The following TMEFF1 variants were observed in gnomAD, a reference collection of about 807,000 sequenced individuals.
The protein encoded by TMEFF1 is tomoregulin-1.
A neutral mutation model predicts 47.5 loss-of-function variants in TMEFF1; 20 were observed. The ratio of observed to expected loss-of-function variants is 0.42; its 90% CI spans 0.30 to 0.61. The LOEUF (loss-of-function observed/expected upper bound fraction) is 0.61. Ranked by LOEUF, TMEFF1 falls within the 20% of genes least tolerant of loss-of-function variation. The pLI is 0.19. For missense variants in TMEFF1, 411 were observed against 471.1 expected (o/e 0.87, Z 1.18); for synonymous variants, 162 against 166.3 (o/e 0.97, Z 0.20).
chr9:100,561,564 C>T (rs370986556), intron 8 of TMEFF1, 44 bp downstream of exon 8: 162 of 1,582,446 alleles, frequency 1.0e-4, no homozygotes, highest in East Asian at 1.6e-4. Flanking sequence ...TTTTTTTCAT[C>T]AATGGTTGTT....
chr9:100,483,489 C>T (rs892972587), intron 1 of TMEFF1, among the ~76,000 whole-genome samples: 1 of 133,372 alleles, frequency 7.5e-6, no homozygotes. Flanking sequence ...AAGAGAGAAA[C>T]AACATCTCAA....
intron 1 of TMEFF1, among the ~76,000 whole-genome samples, chr9:100,475,204 G>A (rs1587807866): frequency 6.6e-6 from 1 of 152,174 alleles, no homozygotes; most frequent in African/African-American, 2.4e-5. Flanking sequence ...TCTCAGCGCA[G>A]ATGCTTATGC....
At chr9:100,572,087 A>G (rs1320833285) in intron 8 of TMEFF1, among the ~76,000 whole-genome samples, 1 of 152,036 alleles carries the variant, frequency 6.6e-6, no homozygotes, top group African/African-American at 2.4e-5. Context: ...ATATCTGTCC[A>G]TGGCCCGGGA....
chr9:100,517,077 A>C (rs1200940516), intron 5 of TMEFF1, among the ~76,000 whole-genome samples: 1 of 152,144 alleles, frequency 6.6e-6, no homozygotes, highest in Admixed American at 6.5e-5. Flanking sequence ...ACTCATGTTC[A>C]GCCTTCATTA....
intron 1 of TMEFF1, among the ~76,000 whole-genome samples, chr9:100,486,009 A>G (rs1837440455): frequency 2.0e-5 from 3 of 148,134 alleles, no homozygotes; most frequent in Non-Finnish European, 4.5e-5. Flanking sequence ...AGGTTATTAT[A>G]TTTTCAACCA....
At chr9:100,554,978 A>G (rs1437823035) in intron 7 of TMEFF1, among the ~76,000 whole-genome samples, 1 of 152,126 alleles carries the variant, frequency 6.6e-6, no homozygotes, top group East Asian at 1.9e-4. Context: ...ACAGATAGCC[A>G]GTGGAACAAG....
intron 5 of TMEFF1, among the ~76,000 whole-genome samples, chr9:100,519,911 C>A (rs1005875314): frequency 2.0e-5 from 3 of 152,054 alleles, no homozygotes; most frequent in African/African-American, 7.2e-5. Flanking sequence ...TGTTTATATA[C>A]ACATGGTACT....
At chr9:100,485,995 T>C (rs754299575) in intron 1 of TMEFF1, among the ~76,000 whole-genome samples, 7 of 152,146 alleles carry the variant, frequency 4.6e-5, no homozygotes, top group Non-Finnish European at 7.4e-5. Flanking sequence ...TTAAAAACTT[T>C]GGCAGGTTAT....
chr9:100,564,071 T>G (rs1839073641), intron 8 of TMEFF1, among the ~76,000 whole-genome samples: 1 of 152,062 alleles, frequency 6.6e-6, no homozygotes, highest in African/African-American at 2.4e-5. Context: ...GTACCACTGA[T>G]TTTTCGTTTT....
intron 8 of TMEFF1, among the ~76,000 whole-genome samples, chr9:100,567,278 A>G (rs138914192): frequency 1.6e-4 from 25 of 152,188 alleles, no homozygotes; most frequent in African/African-American, 5.8e-4. Flanking sequence ...AATTGTTTGC[A>G]TGGCAGGCTC....
chr9:100,478,557 G>A (rs994750850), intron 1 of TMEFF1, among the ~76,000 whole-genome samples: 1 of 152,080 alleles, frequency 6.6e-6, no homozygotes, highest in African/African-American at 2.4e-5. Context: ...TTGTCCTCTT[G>A]CCCCAGTTCT....
At chr9:100,543,734 C>T (rs1838678982) in intron 5 of TMEFF1, among the ~76,000 whole-genome samples, 1 of 151,880 alleles carries the variant, frequency 6.6e-6, no homozygotes, top group East Asian at 1.9e-4. Flanking sequence ...CACACACACA[C>T]ACACACACAC....
chr9:100,548,031 AT>A (rs1271878727), intron 6 of TMEFF1, 139 bp downstream of exon 6: 2 of 1,024,662 alleles, frequency 2.0e-6, no homozygotes, highest in African/African-American at 1.7e-5. Context: ...TATATTTCAG[AT>A]TTTTTATTAC....
chr9:100,498,898 A>T (rs775046802), intron 2 of TMEFF1, 24 bp downstream of exon 2: 1 of 1,603,836 alleles, frequency 6.2e-7, no homozygotes, highest in East Asian at 2.2e-5. Flanking sequence ...GCCTATTTTG[A>T]AAAGTTTTAT....
chr9:100,551,802 C>A (rs1487733763), intron 7 of TMEFF1, among the ~76,000 whole-genome samples: 1 of 152,092 alleles, frequency 6.6e-6, no homozygotes, highest in Non-Finnish European at 1.5e-5. Flanking sequence ...ATGCAGATAA[C>A]CAACTTCTAA....
At chr9:100,574,061 A>AT (rs1419848437) in intron 9 of TMEFF1, among the ~76,000 whole-genome samples, 1 of 152,254 alleles carries the variant, frequency 6.6e-6, no homozygotes, top group African/African-American at 2.4e-5. Context: ...ATTCAGTTTG[A>AT]TTCCCATTCA....
rs576740754 is a variant in TMEFF1 at position 100,516,642 on chromosome 9, T to C, written c.464-33T>C. 1.5e-5 allele frequency: 24 copies of C among 1,603,424 alleles called. 1 individual carries two copies. The African/African-American group carries it at 1.9e-4, about 13-fold the overall frequency. ...GCATATCTGGAAAGGATCCCAACTTTTGGTTGTAAATTTGATTTTTCTTTT... is the reference window on the plus strand; with the variant it reads ...GCATATCTGGAAAGGATCCCAACTTCTGGTTGTAAATTTGATTTTTCTTTT... On this transcript the variant is annotated intron_variant, in intron 4 of 9. Coordinates refer to ENST00000374879, the MANE Select transcript of TMEFF1 (RefSeq NM_003692.5).
intron 5 of TMEFF1, among the ~76,000 whole-genome samples, chr9:100,526,462 T>C (rs1398504485): frequency 2.6e-5 from 4 of 152,172 alleles, no homozygotes; most frequent in African/African-American, 9.6e-5. Flanking sequence ...GTTTTAAGTT[T>C]TTTTTGCTGT....
At chr9:100,506,491 C>G (rs962697241) in intron 2 of TMEFF1, among the ~76,000 whole-genome samples, 3 of 151,916 alleles carry the variant, frequency 2.0e-5, no homozygotes, top group Non-Finnish European at 2.9e-5. Context: ...TCAGGCCAGG[C>G]GCAGTGGCTT....
Sources: gnomAD v4.1 joint callset for allele counts (sites outside exome capture counted in the v4.1 genomes callset) on GRCh38, gnomAD v4.1.1 for gene constraint, MANE v1.5 for transcripts, NCBI Gene and HGNC (gene_info 2026-07-23, HGNC 2026-07-21) for gene names.